The following TRMT6 variants were observed in gnomAD, a reference collection of about 807,000 sequenced individuals.
The protein encoded by TRMT6 is tRNA (adenine(58)-N(1))-methyltransferase non-catalytic subunit TRM6.
In TRMT6, 34 loss-of-function variants were observed where a neutral mutation model predicts 59.0. The observed-to-expected ratio is 0.58, with a 90% confidence interval of 0.44 to 0.77. The LOEUF is 0.77. Ranked by LOEUF, TRMT6 falls within the 30% of genes least tolerant of loss-of-function variation. TRMT6 has a pLI of 0.00. For missense variants in TRMT6, 575 were observed against 604.5 expected (o/e 0.95, Z 0.51); for synonymous variants, 217 against 210.5 (o/e 1.03, Z -0.27).
At chr20:5,941,874 G>T in intron 8 of TRMT6, 77 bp downstream of exon 8, 1 of 1,258,440 alleles carries the variant, frequency 7.9e-7, no homozygotes, top group South Asian at 1.3e-5. Flanking sequence ...AGCAGACAAG[G>T]AGAAAGAGAA....
At chr20:5,942,109 C>T in intron 7 of TRMT6, 73 bp from the exon 8 acceptor site, 2 of 1,267,176 alleles carry the variant, frequency 1.6e-6, no homozygotes, top group Non-Finnish European at 2.3e-6. Flanking sequence ...TCTGGCCTGT[C>T]AAAACATTTC....
chr20:5,945,928 G>A (rs1337396046), intron 2 of TRMT6, among the ~76,000 whole-genome samples: 1 of 152,078 alleles, frequency 6.6e-6, no homozygotes, highest in African/African-American at 2.4e-5. Flanking sequence ...TACAACCTAG[G>A]CATTAAATGT....
intron 10 of TRMT6, 134 bp from the exon 11 acceptor site, chr20:5,938,860 T>C (rs917225850): frequency 5.2e-5 from 41 of 794,446 alleles, no homozygotes; most frequent in Non-Finnish European, 7.5e-5. Context: ...TTTTTCTTTC[T>C]TTTCTTTTCC....
chr20:5,938,738 A>G lies in TRMT6; in HGVS notation c.1303-12T>C, dbSNP rs542599042. 89 of 1,611,266 alleles carry G rather than the reference A, an allele frequency of 5.5e-5. 1 individual carries two copies. The South Asian group carries it at 9.0e-4, about 16-fold the overall frequency. On this transcript the variant is annotated splice_polypyrimidine_tract_variant and intron_variant, in intron 10 of 10. Coordinates refer to ENST00000203001, the MANE Select transcript of TRMT6 (RefSeq NM_015939.5). The stretch of plus-strand genomic sequence containing the variant: ...CGATCTGGCAAAACCTAATCAAGAC[A>G]GAAAAGACATTCATGCTTTCCTAAG...
chr20:5,942,430 A>T lies in TRMT6; in HGVS notation c.1024T>A (p.Tyr342Asn), dbSNP rs781008171. Residue 342 changes from tyrosine to asparagine, a missense_variant and splice_region_variant, in exon 7 of 11, where the codon TAT (tyrosine) becomes AAT (asparagine). Physicochemically the swap from Tyr to Asn is moderately radical, Grantham distance 143. Coordinates refer to ENST00000203001, the MANE Select transcript of TRMT6 (RefSeq NM_015939.5). The stretch of plus-strand genomic sequence containing the variant: ...GTGGGGACTCTTGGCATCCTTACAT[A>T]ATCTTTTTTGCTTCCTCTCTCTTTA... ...GPKERGSKKD[Y>N]IQEKQRRQEE... The T allele has an allele frequency of 6.2e-7, 1 of 1,613,276 alleles. No homozygotes were observed. The highest frequency in any genetic ancestry group is 1.1e-5 in the South Asian group (1 of 91,070).
intron 10 of TRMT6, among the ~76,000 whole-genome samples, chr20:5,940,080 T>G (rs1337328825): frequency 6.6e-6 from 1 of 152,222 alleles, no homozygotes; most frequent in African/African-American, 2.4e-5. Context: ...GCTCCTTGAA[T>G]GGCGATCTTT....
At position 5,941,229 on chromosome 20, in the gene TRMT6, C is replaced by A. The variant is rs759539036; in HGVS notation, c.1215+14G>T. ...CAGACATAAGAATTCCTGCCCATTCCATTCCAGTATTACCTCTTTGTACTG... is the reference window on the plus strand; with the variant it reads ...CAGACATAAGAATTCCTGCCCATTCAATTCCAGTATTACCTCTTTGTACTG... On this transcript the variant is annotated intron_variant, in intron 9 of 10. Transcript: ENST00000203001. 8.7e-6 allele frequency: 14 copies of A among 1,611,552 alleles called. No individual in the cohort carries two copies. In the African/African-American group the frequency reaches 1.7e-4, roughly 20 times the overall value.
At chr20:5,945,288 CTTT>C (rs1346465917) in intron 2 of TRMT6, among the ~76,000 whole-genome samples, 2 of 152,262 alleles carry the variant, frequency 1.3e-5, no homozygotes, top group Non-Finnish European at 2.9e-5. Flanking sequence ...TCTCTTGACA[CTTT>C]AGCTTCAGCC....
chr20:5,939,341 C>T (rs1324322180), intron 10 of TRMT6, among the ~76,000 whole-genome samples: 1 of 151,852 alleles, frequency 6.6e-6, no homozygotes, highest in Non-Finnish European at 1.5e-5. Context: ...ATTAGCCAGG[C>T]GTGGTGGCAC....
chr20:5,941,449 C>G, intron 8 of TRMT6, 104 bp from the exon 9 acceptor site: 1 of 783,130 alleles, frequency 1.3e-6, no homozygotes, highest in South Asian at 1.7e-5. Context: ...GCATGACTCA[C>G]AAAGAGAAGA....
At chr20:5,947,070 T>C (rs1020024257) in intron 1 of TRMT6, among the ~76,000 whole-genome samples, 1 of 152,206 alleles carries the variant, frequency 6.6e-6, no homozygotes, top group Non-Finnish European at 1.5e-5. Flanking sequence ...CGAGGTGTGA[T>C]TCACACTTTT....
rs2088625155 is a variant in TRMT6, at chr20:5,938,357, G to C, written c.*178C>G. The C allele has an allele frequency of 1.5e-6, 1 of 645,220 alleles. No homozygotes were observed. The allele number at this position is 645,220 out of a possible 1,614,324, so 40.0% of individuals were successfully genotyped here. On this transcript the variant is annotated 3_prime_UTR_variant, in exon 11 of 11. Transcript: ENST00000203001. ...ATACCCCATGGTTGCAGTTTTGACA[G>C]ACCAAATGCATCTGTGTCAGAAATA... is the stretch of plus-strand genomic sequence containing the variant.
intron 2 of TRMT6, among the ~76,000 whole-genome samples, chr20:5,945,358 T>C (rs2088697012): frequency 1.3e-5 from 2 of 152,240 alleles, no homozygotes; most frequent in African/African-American, 4.8e-5. Flanking sequence ...CAGCAGGCTT[T>C]TGGCACCTGC....
In TRMT6 at chr20:5,950,361, G is replaced by C. The variant is rs771564683; in HGVS notation, c.45C>G (p.Pro15=). The C allele has an allele frequency of 1.2e-6, 2 of 1,610,612 alleles. No homozygotes were observed. The highest frequency in any genetic ancestry group is 2.2e-5 in the East Asian group (1 of 44,840). The change falls in exon 1 of 11, where the codon CCC becomes CCG. Residue 15 remains proline (P), a synonymous_variant. Transcript: ENST00000203001. ...CGCCGTCGCGGATGCGGTGGTCTCC[G>C]GGATGCTGTGGTTGTGGGCCCGGCT... is the stretch of plus-strand genomic sequence containing the variant. ...GEQPGPQPQH[P]GDHRIRDGDF...
At chr20:5,939,975 C>T (rs1357827978) in intron 10 of TRMT6, among the ~76,000 whole-genome samples, 1 of 152,180 alleles carries the variant, frequency 6.6e-6, no homozygotes, top group Non-Finnish European at 1.5e-5. Context: ...CCTTTGGGAT[C>T]CACTGCAGCA....
chr20:5,943,009 C>G (rs535459501), intron 6 of TRMT6, among the ~76,000 whole-genome samples: 2 of 152,176 alleles, frequency 1.3e-5, no homozygotes, highest in African/African-American at 4.8e-5. Flanking sequence ...CTCAAAGAAG[C>G]TTATCCCCAC....
At chr20:5,945,970 A>G (rs1356639595) in intron 2 of TRMT6, among the ~76,000 whole-genome samples, 1 of 152,220 alleles carries the variant, frequency 6.6e-6, no homozygotes, top group Admixed American at 6.5e-5. Context: ...ATATAAGGAT[A>G]TAAGACTCAC....
intron 2 of TRMT6, among the ~76,000 whole-genome samples, chr20:5,946,198 C>A (rs140018832): frequency 0.01 from 1,590 of 152,352 alleles, 19 homozygotes; most frequent in Admixed American, 0.034. Flanking sequence ...GAACAGAGAA[C>A]CATTTAATGG....
At chr20:5,945,017 T>C in intron 2 of TRMT6, 103 bp from the exon 3 acceptor site, 1 of 875,050 alleles carries the variant, frequency 1.1e-6, no homozygotes, top group Non-Finnish European at 1.8e-6. Flanking sequence ...CACTCAAGTC[T>C]GGCCTCCCAG....
Sources: allele counts gnomAD v4.1 joint callset (sites outside exome capture counted in the v4.1 genomes callset), GRCh38; gene constraint gnomAD v4.1.1; transcripts MANE v1.5; gene names NCBI Gene and HGNC (gene_info 2026-07-23, HGNC 2026-07-21).